The following GALNT11 variants were observed in gnomAD, a reference collection of about 807,000 sequenced individuals.
GALNT11 encodes polypeptide N-acetylgalactosaminyltransferase 11, also known as UDP-GalNAc:polypeptide N-acetylgalactosaminyltransferase 11.
Under a neutral mutation model 72.7 loss-of-function variants are expected in GALNT11, and 47 were observed. The observed-to-expected ratio is 0.65, with a 90% CI of 0.51 to 0.82. The LOEUF is 0.82. GALNT11 is among the 40% of genes least tolerant of loss of function. The pLI, the probability that GALNT11 is intolerant of heterozygous loss-of-function variation, is 0.00. For missense variants in GALNT11, 677 were observed against 778.4 expected (o/e 0.87, Z 1.55); for synonymous variants, 270 against 286.6 (o/e 0.94, Z 0.58).
At chr7:152,061,350 G>A (rs1044036307) in intron 1 of GALNT11, among the ~76,000 whole-genome samples, 4 of 152,108 alleles carry the variant, frequency 2.6e-5, no homozygotes, top group Admixed American at 1.3e-4. Flanking sequence ...GTTTGTTTGA[G>A]TTATTTGTAG....
rs574733076 is a variant in GALNT11, at chr7:152,027,105, C to T, written c.-39+1221C>T. ...TCTACTAAAAATACAAAAAATAAGC[C>T]GGGCGTGGTGGCAGGCGCCTGTAAT... On this transcript the variant is annotated intron_variant, in intron 1 of 11. Transcript: ENST00000430044. 9.2e-5 allele frequency among the ~76,000 whole-genome samples: 14 copies of T among 152,112 alleles called. No individual in the cohort carries two copies. In the South Asian group the frequency reaches 1.2e-3, roughly 14 times the overall value.
At chr7:152,095,738 T>C (rs2086328574) in intron 2 of GALNT11, among the ~76,000 whole-genome samples, 3 of 152,208 alleles carry the variant, frequency 2.0e-5, no homozygotes, top group South Asian at 2.1e-4. Context: ...GTAAAGCTTT[T>C]ATCAAGAAGT....
intron 1 of GALNT11, among the ~76,000 whole-genome samples, chr7:152,078,470 GGAT>G (rs2085117438): frequency 6.6e-6 from 1 of 152,144 alleles, no homozygotes; most frequent in South Asian, 2.1e-4. Flanking sequence ...CAAAGTGCTG[GGAT>G]GATAGGCATG....
chr7:152,105,100 CTCTTT>C (rs2087390065), intron 4 of GALNT11, 140 bp from the exon 5 acceptor site: 1 of 832,422 alleles, frequency 1.2e-6, no homozygotes, highest in Non-Finnish European at 1.8e-6. Context: ...AGCTACAATA[CTCTTT>C]TAAAGTAAAA....
intron 7 of GALNT11, among the ~76,000 whole-genome samples, chr7:152,111,990 C>T (rs1042113483): frequency 2.0e-5 from 3 of 152,150 alleles, no homozygotes; most frequent in African/African-American, 7.2e-5. Context: ...TATCTGTCTT[C>T]TCCAATTGCT....
At chr7:152,062,289 T>A (rs1314990951) in intron 1 of GALNT11, among the ~76,000 whole-genome samples, 1 of 152,196 alleles carries the variant, frequency 6.6e-6, no homozygotes, top group Admixed American at 6.5e-5. Flanking sequence ...TGTATAAGGA[T>A]CCTTGTGATT....
chr7:152,042,212 G>A (rs551624750), intron 1 of GALNT11, among the ~76,000 whole-genome samples: 1 of 152,298 alleles, frequency 6.6e-6, no homozygotes, highest in Non-Finnish European at 1.5e-5. Flanking sequence ...CAGCTAAGGG[G>A]ATAGTAAAGA....
intron 1 of GALNT11, among the ~76,000 whole-genome samples, chr7:152,075,709 T>G (rs1211973769): frequency 1.3e-5 from 2 of 151,258 alleles, no homozygotes; most frequent in Non-Finnish European, 2.9e-5. Context: ...GGCAGGAGAA[T>G]CGCTTGAACC....
intron 1 of GALNT11, among the ~76,000 whole-genome samples, chr7:152,087,517 C>T (rs1019644277): frequency 1.3e-5 from 2 of 152,162 alleles, no homozygotes; most frequent in South Asian, 4.1e-4. Flanking sequence ...TACGTAGGGA[C>T]TTGCAGGTCT....
rs1245072866 is a variant in GALNT11 at position 152,121,872 on chromosome 7, C to T, written c.*195C>T. ...CAGAGACGGGAGCTCTGAGTGTCCA[C>T]GGGTGAAGAAGTGAGTGTCCACGGG... On this transcript the variant is annotated 3_prime_UTR_variant, in exon 12 of 12. Coordinates refer to ENST00000430044, the MANE Select transcript of GALNT11 (RefSeq NM_022087.4). The T allele has an allele frequency of 1.5e-5, 9 of 581,978 alleles. No individual in the cohort carries two copies. Among genetic ancestry groups the T allele is most frequent in the Middle Eastern group, 4.6e-4 (1 of 2,166 alleles). 36.1% of individuals were successfully genotyped at this position (581,978 alleles called of 1,614,324 possible).
intron 1 of GALNT11, among the ~76,000 whole-genome samples, chr7:152,030,485 A>T (rs558461559): frequency 3.3e-5 from 5 of 152,222 alleles, no homozygotes; most frequent in African/African-American, 1.2e-4. Flanking sequence ...TTCATATATA[A>T]TCATCTCTAT....
intron 1 of GALNT11, among the ~76,000 whole-genome samples, chr7:152,044,940 T>C (rs895660698): frequency 4.6e-5 from 7 of 152,118 alleles, no homozygotes; most frequent in Non-Finnish European, 8.8e-5. Context: ...ATGGCTTTTA[T>C]TCTATTGAGG....
chr7:152,113,212 G>A (rs2088432932), intron 7 of GALNT11, 34 bp from the exon 8 acceptor site: 1 of 1,567,930 alleles, frequency 6.4e-7, no homozygotes, highest in Non-Finnish European at 8.6e-7. Context: ...ACAACATGAG[G>A]CAACTGTTAA....
At chr7:152,048,885 C>T (rs1187649464) in intron 1 of GALNT11, among the ~76,000 whole-genome samples, 1 of 151,270 alleles carries the variant, frequency 6.6e-6, no homozygotes, top group African/African-American at 2.4e-5. Flanking sequence ...ATTCCTTCTT[C>T]TGCTTGATCT....
intron 1 of GALNT11, among the ~76,000 whole-genome samples, chr7:152,068,642 T>A (rs1054843080): frequency 6.6e-6 from 1 of 151,730 alleles, no homozygotes; most frequent in African/African-American, 2.4e-5. Context: ...ATTGGTAATT[T>A]GTCTTTTCTC....
At chr7:152,025,931 G>C (rs1312905837) in intron 1 of GALNT11, 47 bp downstream of exon 1, 14 of 59,876 alleles carry the variant, frequency 2.3e-4, no homozygotes, top group African/African-American at 6.8e-4. Context: ...TCAGCACCTC[G>C]AGAGCTGCGG....
At chr7:152,051,199 G>GTTT (rs35668155) in intron 1 of GALNT11, among the ~76,000 whole-genome samples, 6 of 46,826 alleles carry the variant, frequency 1.3e-4, no homozygotes, top group Admixed American at 2.2e-4. Flanking sequence ...ATATCTGGTT[G>GTTT]TTTTTTTTTT....
intron 1 of GALNT11, among the ~76,000 whole-genome samples, chr7:152,067,392 T>A (rs2129005431): frequency 6.6e-6 from 1 of 152,324 alleles, no homozygotes; most frequent in South Asian, 2.1e-4. Context: ...TGTGTGGAGA[T>A]CTGTTATAGT....
chr7:152,025,816 C>T lies in GALNT11; in HGVS notation c.-107C>T, dbSNP rs923527007. 4.5e-5 allele frequency: 12 copies of T among 267,362 alleles called. No homozygotes were observed. Among genetic ancestry groups the T allele is most frequent in the Admixed American group, 3.4e-4 (9 of 26,602 alleles). The allele number at this position is 267,362 out of a possible 1,614,324, so 16.6% of individuals were successfully genotyped here. A position where few individuals can be genotyped will look rare whatever the true frequency, so the allele number is the denominator to read the frequency against. On this transcript the variant is annotated 5_prime_UTR_variant, in exon 1 of 12. Transcript: ENST00000430044. ...GCCGCTCCTGCGGGTCGGACTGGGGCTGTGGCGGGAGAGAAGATGCCGCAG... is the reference window on the plus strand; with the variant it reads ...GCCGCTCCTGCGGGTCGGACTGGGGTTGTGGCGGGAGAGAAGATGCCGCAG...
Sources: allele counts gnomAD v4.1 joint callset (sites outside exome capture counted in the v4.1 genomes callset), GRCh38; gene constraint gnomAD v4.1.1; transcripts MANE v1.5; gene names NCBI Gene and HGNC (gene_info 2026-07-23, HGNC 2026-07-21).